KCNMA1: variants seen among roughly 807,000 people sequenced by gnomAD.
KCNMA1 encodes the protein potassium calcium-activated channel subfamily M alpha 1.
Under a neutral mutation model 140.0 loss-of-function variants are expected in KCNMA1, and 29 were observed. The observed-to-expected ratio is 0.21, with a 90% CI of 0.15 to 0.28. The LOEUF is 0.28. Ranked by LOEUF, KCNMA1 falls within the 10% of genes least tolerant of loss-of-function variation. The pLI is 1.00. For missense variants in KCNMA1, 880 were observed against 1,602.2 expected, an observed-to-expected ratio of 0.55 and a Z score of 7.70; for synonymous variants, 612 against 611.9, an observed-to-expected ratio of 1.00 and a Z score of 0.00.
chr10:77,062,530 C>G (rs1214517584), intron 14 of KCNMA1, among the ~76,000 whole-genome samples: 1 of 152,138 alleles, frequency 6.6e-6, no homozygotes, highest in Non-Finnish European at 1.5e-5. Flanking sequence ...TGTCCCTCAA[C>G]AAACCAGTCA....
chr10:77,014,373 C>A (rs1172809882), intron 17 of KCNMA1, among the ~76,000 whole-genome samples: 1 of 151,294 alleles, frequency 6.6e-6, no homozygotes, highest in African/African-American at 2.4e-5. Flanking sequence ...TTGCAGTGAG[C>A]CGAGATTGTG....
At chr10:77,551,955 G>A (rs2062960940) in intron 1 of KCNMA1, among the ~76,000 whole-genome samples, 1 of 152,136 alleles carries the variant, frequency 6.6e-6, no homozygotes, top group South Asian at 2.1e-4. Context: ...GAAGTGACGA[G>A]GATGAGGTCA....
intron 1 of KCNMA1, among the ~76,000 whole-genome samples, chr10:77,619,014 A>G (rs1160641696): frequency 6.6e-6 from 1 of 152,152 alleles, no homozygotes; most frequent in Non-Finnish European, 1.5e-5. Context: ...GGGTGTGGAG[A>G]GCTTGGGAAG....
At chr10:77,425,917 G>C (rs142453076) in intron 1 of KCNMA1, among the ~76,000 whole-genome samples, 1 of 152,136 alleles carries the variant, frequency 6.6e-6, no homozygotes, top group Admixed American at 6.5e-5. Context: ...CTGAGGCTGA[G>C]AGAGGATAAG....
chr10:77,602,482 T>C (rs2082971131), intron 1 of KCNMA1, among the ~76,000 whole-genome samples: 2 of 152,158 alleles, frequency 1.3e-5, no homozygotes. Flanking sequence ...AATTAAATAA[T>C]AGCAATGATT....
At chr10:77,403,320 G>A (rs1044639719) in intron 2 of KCNMA1, among the ~76,000 whole-genome samples, 1 of 152,142 alleles carries the variant, frequency 6.6e-6, no homozygotes, top group Admixed American at 6.5e-5. Flanking sequence ...GCAGCCTCAG[G>A]TGGGCTACTG....
At chr10:77,084,265 G>A (rs1037621985) in intron 12 of KCNMA1, among the ~76,000 whole-genome samples, 1 of 152,140 alleles carries the variant, frequency 6.6e-6, no homozygotes, top group African/African-American at 2.4e-5. Context: ...ATGTCCCCTG[G>A]GGGCATCTGC....
intron 1 of KCNMA1, among the ~76,000 whole-genome samples, chr10:77,595,433 T>C (rs2080610459): frequency 6.8e-6 from 1 of 146,156 alleles, no homozygotes; most frequent in Non-Finnish European, 1.5e-5. Flanking sequence ...AGGATAAAAA[T>C]GAGACCATAT....
chr10:77,167,689 CTTTTTT>C (rs1317329908), intron 5 of KCNMA1, among the ~76,000 whole-genome samples: 1 of 145,402 alleles, frequency 6.9e-6, no homozygotes, highest in East Asian at 2.0e-4. Flanking sequence ...TTCTTTCTTT[CTTTTTT>C]TTTTTTAATT....
chr10:77,423,318 A>T (rs1383009621), intron 1 of KCNMA1, among the ~76,000 whole-genome samples: 1 of 152,208 alleles, frequency 6.6e-6, no homozygotes, highest in Admixed American at 6.5e-5. Flanking sequence ...GGAGTTTCTC[A>T]GTGACAAAGA....
chr10:77,072,822 C>T (rs555635261), intron 14 of KCNMA1, among the ~76,000 whole-genome samples: 42 of 152,086 alleles, frequency 2.8e-4, no homozygotes, highest in Admixed American at 8.5e-4. Flanking sequence ...GTTTTAACAG[C>T]GGAGGCTTTG....
intron 5 of KCNMA1, among the ~76,000 whole-genome samples, chr10:77,131,208 G>A (rs565286526): frequency 5.9e-5 from 9 of 152,260 alleles, no homozygotes; most frequent in Admixed American, 2.0e-4. Flanking sequence ...ACCAGTTACC[G>A]AATAGAAACA....
intron 23 of KCNMA1, among the ~76,000 whole-genome samples, chr10:76,943,274 T>C (rs897182693): frequency 3.3e-5 from 5 of 152,154 alleles, no homozygotes; most frequent in African/African-American, 1.2e-4. Context: ...TGTTGTGCTG[T>C]CCTGCGGGCA....
At chr10:77,047,727 T>C (rs1161424419) in intron 14 of KCNMA1, among the ~76,000 whole-genome samples, 2 of 152,130 alleles carry the variant, frequency 1.3e-5, no homozygotes, top group African/African-American at 4.8e-5. Context: ...AGGAATTTGG[T>C]TTTGCAACCT....
At chr10:77,153,886 G>T (rs545537621) in intron 5 of KCNMA1, among the ~76,000 whole-genome samples, 1 of 152,094 alleles carries the variant, frequency 6.6e-6, no homozygotes, top group Non-Finnish European at 1.5e-5. Context: ...AGGAGTCTCC[G>T]GGCCCAGCTC....
In KCNMA1 at chr10:77,482,991, TACACACACA is replaced by T. The variant is rs2098416899; in HGVS notation, c.379-78977_379-78969del. 4.7e-5 allele frequency among the ~76,000 whole-genome samples: 6 copies of T among 126,750 alleles called. No homozygotes were observed. In the Admixed American group the frequency reaches 4.9e-4, roughly 10 times the overall value. 83.2% of individuals were successfully genotyped at this position (126,750 alleles called of 152,430 possible). On this transcript the variant is annotated intron_variant, in intron 1 of 27. Coordinates refer to ENST00000286628, the MANE Select transcript of KCNMA1 (RefSeq NM_001161352.2). ...CTCTCTTCTCTCTCTCTCTCTCACA[TACACACACA>T]CACACACACACACACACACACACAC...
At chr10:77,210,461 C>T (rs1298735157) in intron 3 of KCNMA1, among the ~76,000 whole-genome samples, 3 of 152,096 alleles carry the variant, frequency 2.0e-5, no homozygotes, top group Non-Finnish European at 4.4e-5. Context: ...CAACATTATA[C>T]TGAATGGGCA....
chr10:77,216,722 G>A (rs1445878770), intron 3 of KCNMA1, among the ~76,000 whole-genome samples: 2 of 152,162 alleles, frequency 1.3e-5, no homozygotes, highest in Non-Finnish European at 2.9e-5. Context: ...TATTAACCAT[G>A]AACTCATTCA....
At position 77,041,151 on chromosome 10, in the gene KCNMA1, C is replaced by CTTT. The variant is rs1162318311; in HGVS notation, c.1750-1517_1750-1515dup. On this transcript the variant is annotated intron_variant, in intron 14 of 27. Transcript: ENST00000286628. ...TGTGCACCACCATGCCTGGCTAATTCTTTTTTTTTTTTTTTTTTTTTTTTT... is the reference window on the plus strand; with the variant it reads ...TGTGCACCACCATGCCTGGCTAATTCTTTTTTTTTTTTTTTTTTTTTTTTTTTT... Among the ~76,000 whole-genome samples the CTTT allele has an allele frequency of 2.5e-3, 4 of 1,582 alleles. 1 individual carries two copies. Among genetic ancestry groups the CTTT allele is most frequent in the East Asian group, 5.0e-3 (1 of 202 alleles). The allele number at this position is 1,582 out of a possible 152,430, so 1.0% of individuals were successfully genotyped here. A position where few individuals can be genotyped will look rare whatever the true frequency, so the allele number is the denominator to read the frequency against.
Sources: gnomAD v4.1 joint callset for allele counts (sites outside exome capture counted in the v4.1 genomes callset) on GRCh38, gnomAD v4.1.1 for gene constraint, MANE v1.5 for transcripts, NCBI Gene and HGNC (gene_info 2026-07-23, HGNC 2026-07-21) for gene names.